ACO1: variants seen among roughly 807,000 people sequenced by gnomAD.
ACO1 encodes the protein cytoplasmic aconitate hydratase.
ACO1 carries 78 observed loss-of-function variants against 105.1 expected under a neutral mutation model. That is an observed-to-expected ratio of 0.74 (90% CI 0.62 to 0.90). The LOEUF is 0.90. Ranked by LOEUF, ACO1 falls within the 40% of genes least tolerant of loss-of-function variation. The pLI is 0.00. For missense variants in ACO1, 965 were observed against 1,111.1 expected (o/e 0.87, Z 1.87); for synonymous variants, 364 against 397.4 (o/e 0.92, Z 1.00).
rs1400108397 is a variant in ACO1, at chr9:32,450,979, A to ATAAC, written c.*869_*872dup. 6.9e-6 allele frequency: 1 copy of ATAAC among 145,976 alleles called. No homozygotes were observed. Among genetic ancestry groups the ATAAC allele is most frequent in the Non-Finnish European group, 1.5e-5 (1 of 67,658 alleles). 9.0% of individuals were successfully genotyped at this position (145,976 alleles called of 1,614,324 possible). A position where few individuals can be genotyped will look rare whatever the true frequency, so the allele number is the denominator to read the frequency against. ...ACAACTCTATCAGAACTGTACGGGTATAACGGAAATGTTTAGGAACCATTA... is the reference window on the plus strand; with the variant it reads ...ACAACTCTATCAGAACTGTACGGGTATAACTAACGGAAATGTTTAGGAACCATTA... On this transcript the variant is annotated 3_prime_UTR_variant, in exon 21 of 21. Coordinates refer to ENST00000309951, the MANE Select transcript of ACO1 (RefSeq NM_002197.3).
intron 1 of ACO1, among the ~76,000 whole-genome samples, chr9:32,392,684 A>G (rs1821290558): frequency 6.6e-6 from 1 of 152,088 alleles, no homozygotes; most frequent in African/African-American, 2.4e-5. Context: ...GCTATTCGAG[A>G]CCTATCTTTT....
At chr9:32,409,105 T>C (rs1821678247) in intron 4 of ACO1, among the ~76,000 whole-genome samples, 1 of 152,240 alleles carries the variant, frequency 6.6e-6, no homozygotes, top group Non-Finnish European at 1.5e-5. Context: ...TCCCTGTGTT[T>C]CTTCTTTTGT....
chr9:32,448,044 A>G (rs192212100), intron 19 of ACO1, among the ~76,000 whole-genome samples: 10 of 152,246 alleles, frequency 6.6e-5, no homozygotes, highest in African/African-American at 2.2e-4. Flanking sequence ...TGAGGAGGCA[A>G]TCTGGCTTTA....
chr9:32,399,106 AT>A (rs1228138878), intron 1 of ACO1, among the ~76,000 whole-genome samples: 1 of 152,194 alleles, frequency 6.6e-6, no homozygotes, highest in African/African-American at 2.4e-5. Flanking sequence ...GCTGTCTGTC[AT>A]TCACGTAAAG....
Position 32,420,984 on chromosome 9 carries a change from T to C in ACO1, c.927T>C (p.Phe309=), listed in dbSNP as rs1273832833. Residue 309 remains phenylalanine (F), a synonymous_variant, in exon 8 of 21, where the codon TTT becomes TTC. Transcript: ENST00000309951. ...MCPEYGATAA[F]FPVDEVSITY... is the part of the protein sequence containing the mutation. ...CAGAGTACGGAGCAACTGCTGCCTT[T>C]TTCCCAGTTGATGAAGTTAGTATCA... is the stretch of plus-strand genomic sequence containing the variant. The C allele has an allele frequency of 1.2e-6, 2 of 1,614,048 alleles. No homozygotes were observed. Among genetic ancestry groups the C allele is most frequent in the Non-Finnish European group, 1.7e-6 (2 of 1,180,028 alleles).
chr9:32,445,641 C>T, intron 19 of ACO1: 1 of 257,904 alleles, frequency 3.9e-6, no homozygotes, highest in Non-Finnish European at 8.0e-6. Flanking sequence ...TTAGTTATTT[C>T]TTGCCTTCTG....
chr9:32,449,663 GC>G (rs1822711391), intron 20 of ACO1, among the ~76,000 whole-genome samples: 1 of 152,156 alleles, frequency 6.6e-6, no homozygotes, highest in Non-Finnish European at 1.5e-5. Context: ...TCCACAGGGA[GC>G]CCCCAGAGGT....
chr9:32,443,305 TAGA>T (rs1286555809), intron 19 of ACO1, among the ~76,000 whole-genome samples: 1 of 152,182 alleles, frequency 6.6e-6, no homozygotes, highest in Non-Finnish European at 1.5e-5. Context: ...ACCTTCAGTC[TAGA>T]AGATGTATGG....
chr9:32,400,262 C>A (rs145215208), intron 1 of ACO1, among the ~76,000 whole-genome samples: 1 of 152,180 alleles, frequency 6.6e-6, no homozygotes, highest in South Asian at 2.1e-4. Context: ...TAAGCCACTG[C>A]GCCTGGCTGT....
chr9:32,435,519 A>G (rs116733203), intron 17 of ACO1, among the ~76,000 whole-genome samples: 3,447 of 152,254 alleles, frequency 0.023, 135 homozygotes, highest in African/African-American at 0.078. Context: ...CTATCTAACC[A>G]TTGATTAAAT....
At chr9:32,384,781 G>A (rs1201619646) in intron 1 of ACO1, 46 bp downstream of exon 1, 1 of 354,770 alleles carries the variant, frequency 2.8e-6, no homozygotes, top group Non-Finnish European at 5.8e-6. Flanking sequence ...CGGGAGCGCC[G>A]TCCACCCTGT....
At position 32,451,687 on chromosome 9, in the gene ACO1, A is replaced by T. The variant is rs1403218031; in HGVS notation, c.*1576A>T. The T allele has an allele frequency of 2.6e-5, 4 of 152,168 alleles. No homozygotes were observed. The East Asian group carries it at 7.7e-4, about 29-fold the overall frequency. 9.4% of individuals were successfully genotyped at this position (152,168 alleles called of 1,614,324 possible). A position where few individuals can be genotyped will look rare whatever the true frequency, so the allele number is the denominator to read the frequency against. On this transcript the variant is annotated 3_prime_UTR_variant, in exon 21 of 21. Coordinates refer to ENST00000309951, the MANE Select transcript of ACO1 (RefSeq NM_002197.3). The stretch of plus-strand genomic sequence containing the variant: ...TCTAATCCTCTTTCTACTTCTCACC[A>T]GATGAGGGATCAAGACAGGTTATTT...
chr9:32,437,390 A>G (rs1822384807), intron 18 of ACO1, among the ~76,000 whole-genome samples: 1 of 152,070 alleles, frequency 6.6e-6, no homozygotes, highest in African/African-American at 2.4e-5. Flanking sequence ...AACTGATTAT[A>G]TTTTTGTAAC....
chr9:32,443,762 A>T (rs1822533322), intron 19 of ACO1, among the ~76,000 whole-genome samples: 1 of 152,198 alleles, frequency 6.6e-6, no homozygotes, highest in Admixed American at 6.5e-5. Context: ...TAAATGGAGA[A>T]TTATAGAGGT....
chr9:32,453,417 T>C lies in ACO1; in HGVS notation c.*3306T>C, dbSNP rs1031269792. Reference sequence around the variant, plus strand: ...GACAGTGGTGGCCATGACTATGGGCTTGATTGGATCTAGTGACTCAAGCTC... The same window carrying C: ...GACAGTGGTGGCCATGACTATGGGCCTGATTGGATCTAGTGACTCAAGCTC... On this transcript the variant is annotated 3_prime_UTR_variant, in exon 21 of 21. Coordinates refer to ENST00000309951, the MANE Select transcript of ACO1 (RefSeq NM_002197.3). 2.0e-5 allele frequency: 3 copies of C among 149,664 alleles called. No homozygotes were observed. The highest frequency in any genetic ancestry group is 7.4e-5 in the African/African-American group (3 of 40,760). The allele number at this position is 149,664 out of a possible 1,614,324, so 9.3% of individuals were successfully genotyped here.
chr9:32,437,828 G>A (rs559280285), intron 18 of ACO1, among the ~76,000 whole-genome samples: 2 of 152,244 alleles, frequency 1.3e-5, no homozygotes, highest in African/African-American at 2.4e-5. Flanking sequence ...ATTCAAAGGA[G>A]AAGGTGATTA....
rs182129295 is a variant in ACO1 at position 32,418,236 on chromosome 9, G to C, written c.474+39G>C. The C allele has an allele frequency of 1.7e-5, 27 of 1,613,302 alleles. No homozygotes were observed. The Admixed American group carries it at 3.5e-4, about 21-fold the overall frequency. On this transcript the variant is annotated intron_variant, in intron 5 of 20. Coordinates refer to ENST00000309951, the MANE Select transcript of ACO1 (RefSeq NM_002197.3). ...CTGGTTCCATTGTTTGGTTTTCTTTGTAGGCAGGGTACGAGGGAGAGATGC... is the reference window on the plus strand; with the variant it reads ...CTGGTTCCATTGTTTGGTTTTCTTTCTAGGCAGGGTACGAGGGAGAGATGC...
At position 32,427,744 on chromosome 9, in the gene ACO1, G is replaced by T. The variant is rs555945122; in HGVS notation, c.1484+308G>T. 3.5e-4 allele frequency among the ~76,000 whole-genome samples: 54 copies of T among 152,148 alleles called. 1 individual carries two copies. Among genetic ancestry groups the T allele is most frequent in the Non-Finnish European group, 6.3e-4 (43 of 68,000 alleles). ...ACTACTGTTGACTTTATAAACACTG[G>T]ACACTTAGGCCACACTAACTTAATA... On this transcript the variant is annotated intron_variant, in intron 12 of 20. Transcript: ENST00000309951.
chr9:32,405,748 C>T (rs1821597194), intron 2 of ACO1, 145 bp downstream of exon 2: 1 of 613,806 alleles, frequency 1.6e-6, no homozygotes, highest in East Asian at 2.8e-5. Flanking sequence ...CACTCACATG[C>T]CTTTCCTACA....
Sources: gnomAD v4.1 joint callset for allele counts (sites outside exome capture counted in the v4.1 genomes callset) on GRCh38, gnomAD v4.1.1 for gene constraint, MANE v1.5 for transcripts, NCBI Gene and HGNC (gene_info 2026-07-23, HGNC 2026-07-21) for gene names.